The following CLIC5 variants were observed in gnomAD, a reference collection of about 807,000 sequenced individuals.
CLIC5 encodes the protein CLIC family member 5, also known as chloride intracellular channel protein 5.
In CLIC5, 20 loss-of-function variants were observed where a neutral mutation model predicts 24.7. That is an observed-to-expected ratio of 0.81 (90% CI 0.57 to 1.18). The LOEUF is 1.18. CLIC5 is among the 50% of genes most tolerant of loss of function. The pLI is 0.00. For missense variants in CLIC5, 341 were observed against 326.1 expected, an observed-to-expected ratio of 1.05 and a Z score of -0.35; for synonymous variants, 159 against 135.6, an observed-to-expected ratio of 1.17 and a Z score of -1.20.
At chr6:46,004,887 C>T (rs1156514931) in intron 1 of CLIC5, among the ~76,000 whole-genome samples, 2 of 152,186 alleles carry the variant, frequency 1.3e-5, no homozygotes, top group African/African-American at 4.8e-5. Context: ...CATATGGCTC[C>T]TTTGGTTTCA....
At chr6:45,915,529 G>C (rs903531233) in intron 4 of CLIC5, among the ~76,000 whole-genome samples, 1 of 152,070 alleles carries the variant, frequency 6.6e-6, no homozygotes, top group African/African-American at 2.4e-5. Flanking sequence ...GGTTACTCTA[G>C]GGAAGCTTGT....
At chr6:45,896,845 A>C (rs1017850370), downstream of CLIC5, among the ~76,000 whole-genome samples, 2 of 152,160 alleles carry the variant, frequency 1.3e-5, no homozygotes, top group African/African-American at 4.8e-5. Flanking sequence ...CAGATGCCCT[A>C]CATTCACACA....
At chr6:45,976,378 C>T (rs1765384678) in intron 1 of CLIC5, among the ~76,000 whole-genome samples, 1 of 152,128 alleles carries the variant, frequency 6.6e-6, no homozygotes, top group South Asian at 2.1e-4. Context: ...TGTGAGTAGA[C>T]ATCCCAGCTT....
At chr6:45,974,405 T>C (rs1178723236) in intron 1 of CLIC5, among the ~76,000 whole-genome samples, 1 of 151,218 alleles carries the variant, frequency 6.6e-6, no homozygotes, top group African/African-American at 2.4e-5. Context: ...TATATTTATA[T>C]ATAGGGCAGA....
chr6:46,049,701 G>C (rs1029816374), intron 1 of CLIC5, among the ~76,000 whole-genome samples: 1 of 152,164 alleles, frequency 6.6e-6, no homozygotes, highest in Non-Finnish European at 1.5e-5. Flanking sequence ...AATTAACTCA[G>C]GGACAAAAAC....
intron 2 of CLIC5, among the ~76,000 whole-genome samples, chr6:45,951,713 G>C (rs1764473833): frequency 6.6e-6 from 1 of 152,182 alleles, no homozygotes; most frequent in Non-Finnish European, 1.5e-5. Flanking sequence ...TGCTCTCTCT[G>C]AGAATGCCAC....
intron 3 of CLIC5, among the ~76,000 whole-genome samples, chr6:45,944,925 T>G (rs980473540): frequency 2.0e-5 from 3 of 152,210 alleles, no homozygotes; most frequent in African/African-American, 4.8e-5. Flanking sequence ...ACTTCCTTAC[T>G]TCATCAACCC....
intron 3 of CLIC5, among the ~76,000 whole-genome samples, chr6:45,943,211 C>T (rs1764189416): frequency 1.3e-5 from 2 of 152,248 alleles, no homozygotes; most frequent in South Asian, 4.1e-4. Flanking sequence ...CCAACCCAGG[C>T]AGTTTCACTG....
rs1242281913 is a variant in CLIC5, at chr6:45,881,138, TG to T, written c.673del (p.Gln225ArgfsTer32). Reference sequence around the variant, plus strand: ...TTCTCTAGCTTCTCCCCATTTCTTCTGCTTGCTTCTTCCTCTACTCCATGCC... The same window carrying T: ...TTCTCTAGCTTCTCCCCATTTCTTCTCTTGCTTCTTCCTCTACTCCATGCC... On this transcript the variant is annotated frameshift_variant, in exon 7 of 7. Transcript: ENST00000644324. LOFTEE classifies it low-confidence loss of function (END_TRUNC). 1 of 398,340 alleles carries T rather than the reference TG, an allele frequency of 2.5e-6. No homozygotes were observed. The highest frequency in any genetic ancestry group is 4.4e-6 in the Non-Finnish European group (1 of 226,034). 24.7% of individuals were successfully genotyped at this position (398,340 alleles called of 1,614,324 possible).
At chr6:45,911,999 G>C (rs752076994) in intron 5 of CLIC5, 1 of 985,460 alleles carries the variant, frequency 1.0e-6, no homozygotes. Context: ...ACCTGAAAGC[G>C]AGCCACGCAA....
rs576277202 is a variant in CLIC5, at chr6:45,999,542, A to G, written c.63+15938T>C. ...TGCAAAACACAAGTTTGAACTGCAC[A>G]GATCCACTTATACATGGATAAGTAT... On this transcript the variant is annotated intron_variant, in intron 1 of 5. Transcript: ENST00000339561. 1.8e-3 allele frequency among the ~76,000 whole-genome samples: 269 copies of G among 152,264 alleles called. 1 individual carries two copies. Among genetic ancestry groups the G allele is most frequent in the Non-Finnish European group, 2.8e-3 (189 of 68,018 alleles).
intron 1 of CLIC5, among the ~76,000 whole-genome samples, chr6:45,971,646 A>G (rs1383187844): frequency 1.3e-5 from 2 of 152,262 alleles, no homozygotes; most frequent in African/African-American, 4.8e-5. Flanking sequence ...GGAATGGCAA[A>G]GAAACATTGC....
At chr6:46,097,851 C>T in the CLIC5 span, among the ~76,000 whole-genome samples, 1 of 152,034 alleles carries the variant, frequency 6.6e-6, no homozygotes, top group African/African-American at 2.4e-5. Context: ...AAATGGTAAC[C>T]GTTTTTGTTA....
intron 1 of CLIC5, among the ~76,000 whole-genome samples, chr6:46,003,077 A>C (rs1281653148): frequency 6.6e-6 from 1 of 152,156 alleles, no homozygotes; most frequent in Non-Finnish European, 1.5e-5. Flanking sequence ...TCCAGATGGG[A>C]CTCAGTCTGA....
intron 3 of CLIC5, among the ~76,000 whole-genome samples, chr6:45,944,826 C>G (rs766202147): frequency 6.6e-6 from 1 of 152,210 alleles, no homozygotes; most frequent in Non-Finnish European, 1.5e-5. Context: ...AATGGCCTTG[C>G]TGATGGCAGC....
chr6:45,919,746 G>A (rs565194796), intron 4 of CLIC5, among the ~76,000 whole-genome samples: 43 of 152,296 alleles, frequency 2.8e-4, no homozygotes, highest in African/African-American at 9.9e-4. Context: ...CTACTGTCTT[G>A]TTGAAAATGC....
At chr6:46,053,164 G>C (rs1768151232) in intron 1 of CLIC5, among the ~76,000 whole-genome samples, 1 of 152,198 alleles carries the variant, frequency 6.6e-6, no homozygotes, top group Non-Finnish European at 1.5e-5. Flanking sequence ...TGCAGAGAGA[G>C]AGAGAGGAGA....
intron 1 of CLIC5, among the ~76,000 whole-genome samples, chr6:45,991,690 A>G (rs1765948008): frequency 6.6e-6 from 1 of 152,198 alleles, no homozygotes; most frequent in East Asian, 1.9e-4. Flanking sequence ...CTCACGTCCC[A>G]TCTACAGAAC....
chr6:45,919,646 G>C (rs1325079565), intron 4 of CLIC5, among the ~76,000 whole-genome samples: 3 of 152,210 alleles, frequency 2.0e-5, no homozygotes, highest in Non-Finnish European at 4.4e-5. Context: ...TCTACTCTGT[G>C]AGTCGAGGCC....
Sources: allele counts gnomAD v4.1 joint callset (sites outside exome capture counted in the v4.1 genomes callset), GRCh38; gene constraint gnomAD v4.1.1; transcripts MANE v1.5; gene names NCBI Gene and HGNC (gene_info 2026-07-23, HGNC 2026-07-21).